The following M1AP variants were observed in gnomAD, a reference collection of about 807,000 sequenced individuals.
M1AP encodes the protein meiosis 1 associated protein, also known as meiosis 1 arrest protein.
Under a neutral mutation model 51.2 loss-of-function variants are expected in M1AP, and 39 were observed. The ratio of observed to expected loss-of-function variants is 0.76; its 90% CI spans 0.59 to 1.00. The LOEUF is 1.00. Among genes scored for constraint, M1AP ranks in the 50% least tolerant of loss-of-function variants. The pLI, the probability that M1AP is intolerant of heterozygous loss-of-function variation, is 0.00. For missense variants in M1AP, 545 were observed against 641.2 expected (o/e 0.85, Z 1.62); for synonymous variants, 251 against 249.2 (o/e 1.01, Z -0.07).
Position 74,558,634 on chromosome 2 carries a change from C to A in M1AP, c.*82G>T. The A allele has an allele frequency of 6.5e-7, 1 of 1,528,082 alleles. No homozygotes were observed. 94.7% of individuals were successfully genotyped at this position (1,528,082 alleles called of 1,614,324 possible). ...CACAGAGGCTCAGGCGGATAGAGAG[C>A]AAGTCTGACCACAGATAGCCATTAT... On this transcript the variant is annotated 3_prime_UTR_variant, in exon 11 of 11. Coordinates refer to ENST00000421985, the MANE Select transcript of M1AP (RefSeq NM_001321739.2).
At chr2:74,580,970 C>G (rs1435027236) in intron 5 of M1AP, among the ~76,000 whole-genome samples, 1 of 152,150 alleles carries the variant, frequency 6.6e-6, no homozygotes, top group Non-Finnish European at 1.5e-5. Context: ...CCCAGCCACC[C>G]CAGGTCCCGC....
intron 3 of M1AP, 94 bp from the exon 4 acceptor site, chr2:74,607,317 A>C: frequency 7.9e-7 from 1 of 1,272,486 alleles, no homozygotes; most frequent in Non-Finnish European, 1.1e-6. Context: ...ATACAGCATA[A>C]GTCTGTGGTG....
chr2:74,632,272 C>A (rs1573182673), intron 2 of M1AP, among the ~76,000 whole-genome samples: 1 of 152,186 alleles, frequency 6.6e-6, no homozygotes, highest in East Asian at 1.9e-4. Flanking sequence ...ACAGCCAATG[C>A]ACTGCAGTCT....
chr2:74,603,751 T>C (rs1680807098), intron 4 of M1AP, among the ~76,000 whole-genome samples: 1 of 152,164 alleles, frequency 6.6e-6, no homozygotes, highest in Admixed American at 6.5e-5. Flanking sequence ...CAGAACAATG[T>C]TAGTGGCTGC....
chr2:74,575,044 A>G (rs1678972056), intron 7 of M1AP, among the ~76,000 whole-genome samples: 1 of 152,212 alleles, frequency 6.6e-6, no homozygotes, highest in East Asian at 1.9e-4. Context: ...TTAGGTCACT[A>G]CAGAATATAT....
chr2:74,580,497 G>T (rs920047205), intron 5 of M1AP, among the ~76,000 whole-genome samples: 1 of 152,168 alleles, frequency 6.6e-6, no homozygotes, highest in African/African-American at 2.4e-5. Context: ...TGAAATGGGG[G>T]AGAGAGGAAG....
At chr2:74,625,778 G>A (rs1018464971) in intron 2 of M1AP, among the ~76,000 whole-genome samples, 1 of 152,152 alleles carries the variant, frequency 6.6e-6, no homozygotes, top group Non-Finnish European at 1.5e-5. Flanking sequence ...CCTAGTAATC[G>A]CCTTTCTGCA....
In M1AP at chr2:74,604,890, CA is replaced by C. The variant is rs1442203369; in HGVS notation, c.595+2164del. 4.6e-5 allele frequency among the ~76,000 whole-genome samples: 7 copies of C among 152,094 alleles called. No individual in the cohort carries two copies. The East Asian group carries it at 1.4e-3, about 29-fold the overall frequency. ...GTAGGACCACTCCACACTTTCTCTCCAAAAAAATCCTAGGAGATAATTCAAG... is the reference window on the plus strand; with the variant it reads ...GTAGGACCACTCCACACTTTCTCTCCAAAAAATCCTAGGAGATAATTCAAG... On this transcript the variant is annotated intron_variant, in intron 4 of 10. Coordinates refer to ENST00000421985, the MANE Select transcript of M1AP (RefSeq NM_001321739.2).
intron 4 of M1AP, among the ~76,000 whole-genome samples, chr2:74,605,478 C>T (rs1313331008): frequency 6.6e-6 from 1 of 152,160 alleles, no homozygotes; most frequent in Non-Finnish European, 1.5e-5. Flanking sequence ...GTGGTAAGAA[C>T]ACCATGCATG....
At chr2:74,570,915 G>A (rs960681518) in intron 7 of M1AP, among the ~76,000 whole-genome samples, 3 of 152,148 alleles carry the variant, frequency 2.0e-5, no homozygotes, top group Non-Finnish European at 4.4e-5. Flanking sequence ...GACTAGGAAT[G>A]GGAAGCACTA....
At chr2:74,581,493 C>T (rs1332093334) in intron 5 of M1AP, among the ~76,000 whole-genome samples, 181 bp downstream of exon 5, 1 of 152,208 alleles carries the variant, frequency 6.6e-6, no homozygotes, top group Non-Finnish European at 1.5e-5. Flanking sequence ...AGCTTTCTAA[C>T]TATGATTGCT....
At chr2:74,580,944 C>A (rs2104587405) in intron 5 of M1AP, among the ~76,000 whole-genome samples, 1 of 152,236 alleles carries the variant, frequency 6.6e-6, no homozygotes, top group East Asian at 1.9e-4. Flanking sequence ...GATAGATGGG[C>A]CCATCTATCT....
chr2:74,599,938 C>G (rs1190460450), intron 4 of M1AP, among the ~76,000 whole-genome samples: 4 of 151,832 alleles, frequency 2.6e-5, no homozygotes, highest in Non-Finnish European at 5.9e-5. Flanking sequence ...TCAGGAGATA[C>G]TTCCTCCTCA....
At chr2:74,604,759 C>T (rs1044765369) in intron 4 of M1AP, among the ~76,000 whole-genome samples, 2 of 152,142 alleles carry the variant, frequency 1.3e-5, no homozygotes, top group Non-Finnish European at 2.9e-5. Flanking sequence ...TGCTTATTTG[C>T]ATTTTTAATT....
chr2:74,638,903 GTACCAAATTCTGCTCAAACTGTAGA>G (rs1683132700), intron 2 of M1AP, among the ~76,000 whole-genome samples: 1 of 152,168 alleles, frequency 6.6e-6, no homozygotes, highest in African/African-American at 2.4e-5. Context: ...ATGAATAGAG[GTACCAAATTCTGCTCAAACTGTAGA>G]AAGGATCAGT....
At chr2:74,585,255 T>C (rs1434012898) in intron 4 of M1AP, among the ~76,000 whole-genome samples, 1 of 152,186 alleles carries the variant, frequency 6.6e-6, no homozygotes, top group East Asian at 1.9e-4. Flanking sequence ...CCATCTTAAG[T>C]GCAGCTCAGA....
chr2:74,603,814 A>G (rs1680810626), intron 4 of M1AP, among the ~76,000 whole-genome samples: 1 of 152,176 alleles, frequency 6.6e-6, no homozygotes, highest in African/African-American at 2.4e-5. Context: ...CCACACCCTT[A>G]GTAACCAACC....
chr2:74,611,172 C>A (rs1466530749), intron 3 of M1AP, among the ~76,000 whole-genome samples: 4 of 152,150 alleles, frequency 2.6e-5, no homozygotes, highest in African/African-American at 9.7e-5. Context: ...GTTTTGGTAT[C>A]AGGGTAATGC....
intron 7 of M1AP, among the ~76,000 whole-genome samples, chr2:74,574,350 C>G (rs1490909402): frequency 6.6e-6 from 1 of 152,170 alleles, no homozygotes; most frequent in Non-Finnish European, 1.5e-5. Context: ...TTCTCACTCC[C>G]TATATCCAAT....
Sources: gnomAD v4.1 joint callset for allele counts (sites outside exome capture counted in the v4.1 genomes callset) on GRCh38, gnomAD v4.1.1 for gene constraint, MANE v1.5 for transcripts, NCBI Gene and HGNC (gene_info 2026-07-23, HGNC 2026-07-21) for gene names.